SNTG2: variants seen among roughly 807,000 people sequenced by gnomAD.
SNTG2 encodes gamma-2-syntrophin.
Under a neutral mutation model 70.9 loss-of-function variants are expected in SNTG2, and 74 were observed. The ratio of observed to expected loss-of-function variants is 1.04; its 90% confidence interval spans 0.86 to 1.27. The LOEUF is 1.27. SNTG2 is among the 50% of genes most tolerant of loss of function. The pLI is 0.00. For synonymous variants in SNTG2, 278 were observed against 273.8 expected (o/e 1.02, Z -0.15); for missense variants, 717 against 690.7 (o/e 1.04, Z -0.43).
rs1332129853 is a variant in SNTG2, at chr2:1,337,643, T to C, written c.1488+21268T>C. Among the ~76,000 whole-genome samples the C allele has an allele frequency of 3.3e-5, 5 of 152,186 alleles. No homozygotes were observed. In the East Asian group the frequency reaches 9.6e-4, roughly 29 times the overall value. ...GTCTTCTCTCATTCTGGGAGTTTTC[T>C]CTTTATTCTTTGTTTACAGTGTCCT... On this transcript the variant is annotated intron_variant, in intron 16 of 16. Coordinates refer to ENST00000308624, the MANE Select transcript of SNTG2 (RefSeq NM_018968.4).
chr2:1,335,343 AAGCCCAGCAGTGGCCTGAGCCGTCAGC>A (rs1659766041), intron 16 of SNTG2, among the ~76,000 whole-genome samples: 1 of 152,194 alleles, frequency 6.6e-6, no homozygotes, highest in African/African-American at 2.4e-5. Context: ...GTGTTGAGAG[AAGCCCAGCAGTGGCCTGAGCCGTCAGC>A]AGCCAACCAC....
intron 4 of SNTG2, among the ~76,000 whole-genome samples, chr2:1,137,254 T>C (rs918436248): frequency 1.3e-5 from 2 of 151,792 alleles, no homozygotes; most frequent in African/African-American, 4.8e-5. Flanking sequence ...GACTTGCAAA[T>C]ACCCGTGCAT....
intron 1 of SNTG2, among the ~76,000 whole-genome samples, chr2:978,307 A>C (rs1660981836): frequency 6.6e-6 from 1 of 152,232 alleles, no homozygotes; most frequent in African/African-American, 2.4e-5. Flanking sequence ...AGAAAAGTAC[A>C]TTAGTAAAAG....
At chr2:966,007 CTG>C (rs1365834562) in intron 1 of SNTG2, among the ~76,000 whole-genome samples, 1 of 152,206 alleles carries the variant, frequency 6.6e-6, no homozygotes, top group Non-Finnish European at 1.5e-5. Context: ...TTCTTCGGTC[CTG>C]TGTGTCGGAC....
chr2:1,134,683 G>T lies in SNTG2; in HGVS notation c.326-2939G>T, dbSNP rs529690217. Among the ~76,000 whole-genome samples the T allele has an allele frequency of 9.3e-4, 141 of 152,296 alleles. 1 individual carries two copies. The highest frequency in any genetic ancestry group is 3.4e-3 in the Middle Eastern group (1 of 294). On this transcript the variant is annotated intron_variant, in intron 4 of 16. Coordinates refer to ENST00000308624, the MANE Select transcript of SNTG2 (RefSeq NM_018968.4). The stretch of plus-strand genomic sequence containing the variant: ...CTTCACCCAGTGGATCCCCCACCGG[G>T]GCTGCAGGTGGAGCCGCCTGCCAGT...
intron 1 of SNTG2, among the ~76,000 whole-genome samples, chr2:992,807 A>G (rs1283129654): frequency 6.6e-6 from 1 of 152,182 alleles, no homozygotes; most frequent in South Asian, 2.1e-4. Context: ...ATTCTTTTAT[A>G]GTATCATGCA....
intron 6 of SNTG2, among the ~76,000 whole-genome samples, chr2:1,138,424 G>T (rs1172122885): frequency 6.6e-6 from 1 of 152,208 alleles, no homozygotes; most frequent in African/African-American, 2.4e-5. Flanking sequence ...TCTGGCTGTT[G>T]GGAAGAGAGA....
intron 4 of SNTG2, among the ~76,000 whole-genome samples, chr2:1,130,101 CT>C (rs1265261890): frequency 6.6e-6 from 1 of 152,106 alleles, no homozygotes; most frequent in Non-Finnish European, 1.5e-5. Flanking sequence ...TCTTATTTTT[CT>C]TGCTTGTTTT....
At position 1,037,239 on chromosome 2, in the gene SNTG2, C is replaced by G. The variant is rs538080411; in HGVS notation, c.73-46279C>G. On this transcript the variant is annotated intron_variant, in intron 1 of 16. Coordinates refer to ENST00000308624, the MANE Select transcript of SNTG2 (RefSeq NM_018968.4). ...TGACCCAGAGCCAGCTGGACCATGT[C>G]TGGGTCCTTTGGGACACCAAGGCAG... is the stretch of plus-strand genomic sequence containing the variant. Among the ~76,000 whole-genome samples the G allele has an allele frequency of 2.6e-5, 4 of 152,338 alleles. No homozygotes were observed. The East Asian group carries it at 7.7e-4, about 29-fold the overall frequency.
In SNTG2 at chr2:1,192,189, G is replaced by A. The variant is rs151100465; in HGVS notation, c.592-16914G>A. ...AGGAGTCAGAGCCAGATGATGTGGGGCAGAGGGAGTTGGGAACGTGGTTTC... is the reference window on the plus strand; with the variant it reads ...AGGAGTCAGAGCCAGATGATGTGGGACAGAGGGAGTTGGGAACGTGGTTTC... On this transcript the variant is annotated intron_variant, in intron 8 of 16. Coordinates refer to ENST00000308624, the MANE Select transcript of SNTG2 (RefSeq NM_018968.4). 6.1e-3 allele frequency among the ~76,000 whole-genome samples: 936 copies of A among 152,356 alleles called. 7 individuals are homozygous for A. The highest frequency in any genetic ancestry group is 0.021 in the African/African-American group (889 of 41,594).
At chr2:1,090,689 G>A (rs543525895) in intron 2 of SNTG2, among the ~76,000 whole-genome samples, 63 of 152,252 alleles carry the variant, frequency 4.1e-4, no homozygotes, top group African/African-American at 1.4e-3. Context: ...CTTCCTTCGG[G>A]GTGGGCTGTC....
At chr2:1,223,574 C>G (rs781741580) in intron 9 of SNTG2, among the ~76,000 whole-genome samples, 1 of 152,220 alleles carries the variant, frequency 6.6e-6, no homozygotes, top group Non-Finnish European at 1.5e-5. Context: ...TCCTGGCACC[C>G]TCCCCATTAC....
chr2:1,041,528 G>T (rs954990750), intron 1 of SNTG2, among the ~76,000 whole-genome samples: 1 of 152,170 alleles, frequency 6.6e-6, no homozygotes, highest in African/African-American at 2.4e-5. Context: ...AGCCTGGTGG[G>T]AGGTGTTTGG....
At chr2:1,310,009 T>C (rs1290938329) in intron 15 of SNTG2, among the ~76,000 whole-genome samples, 1 of 152,218 alleles carries the variant, frequency 6.6e-6, no homozygotes, top group East Asian at 1.9e-4. Flanking sequence ...AGGGAGGTAA[T>C]GAAGCAACTA....
At chr2:1,339,189 T>G (rs1277117219) in intron 16 of SNTG2, among the ~76,000 whole-genome samples, 1 of 152,208 alleles carries the variant, frequency 6.6e-6, no homozygotes, top group Non-Finnish European at 1.5e-5. Flanking sequence ...TTAAGTCCTC[T>G]GCCCATTTTT....
intron 1 of SNTG2, among the ~76,000 whole-genome samples, chr2:1,062,787 T>C (rs1336229640): frequency 6.6e-6 from 1 of 152,220 alleles, no homozygotes; most frequent in Non-Finnish European, 1.5e-5. Flanking sequence ...AAAATTAGAC[T>C]TAATAAATGT....
intron 6 of SNTG2, among the ~76,000 whole-genome samples, chr2:1,158,920 AGCAAGGTCTAAT>A (rs774993061): frequency 6.6e-6 from 1 of 152,196 alleles, no homozygotes; most frequent in Non-Finnish European, 1.5e-5. Flanking sequence ...TGTTGACAAC[AGCAAGGTCTAAT>A]GCAAGGTCTT....
At chr2:1,172,350 C>A (rs971680723) in intron 7 of SNTG2, among the ~76,000 whole-genome samples, 1 of 152,172 alleles carries the variant, frequency 6.6e-6, no homozygotes, top group Admixed American at 6.5e-5. Context: ...TCTGTCTTTA[C>A]GTGGCAATAC....
intron 14 of SNTG2, among the ~76,000 whole-genome samples, chr2:1,271,228 C>T (rs1232582954): frequency 6.6e-6 from 1 of 152,156 alleles, no homozygotes; most frequent in East Asian, 1.9e-4. Context: ...ATCCCTGCCT[C>T]CCAAGCTGAG....
Sources: allele counts gnomAD v4.1 joint callset (sites outside exome capture counted in the v4.1 genomes callset), GRCh38; gene constraint gnomAD v4.1.1; transcripts MANE v1.5; gene names NCBI Gene and HGNC (gene_info 2026-07-23, HGNC 2026-07-21).